LRP1B: variants seen among roughly 807,000 people sequenced by gnomAD.
LRP1B encodes the protein low-density lipoprotein receptor-related protein 1B.
LRP1B carries 217 observed loss-of-function variants against 556.6 expected under a neutral mutation model. The ratio of observed to expected loss-of-function variants is 0.39; its 90% CI spans 0.35 to 0.44. The LOEUF (loss-of-function observed/expected upper bound fraction) is 0.44, where lower values mean the gene tolerates loss of function less well. LRP1B is among the 20% of genes least tolerant of loss of function. The probability of loss-of-function intolerance (pLI) is 1.00; values close to 1 mark genes in which losing one functional copy is unlikely to be tolerated. For synonymous variants in LRP1B, 2,047 were observed against 1,865.8 expected, an observed-to-expected ratio of 1.10 and a Z score of -2.50; for missense variants, 5,053 against 5,620.8, an observed-to-expected ratio of 0.90 and a Z score of 3.23.
intron 3 of LRP1B, among the ~76,000 whole-genome samples, chr2:141,413,762 T>C (rs556140725): frequency 6.6e-6 from 1 of 151,930 alleles, no homozygotes; most frequent in Admixed American, 6.6e-5. Context: ...TGCATGCCTG[T>C]TGTCACAGCT....
intron 1 of LRP1B, among the ~76,000 whole-genome samples, chr2:142,103,320 G>A (rs1262454285): frequency 6.6e-6 from 1 of 151,778 alleles, no homozygotes; most frequent in Non-Finnish European, 1.5e-5. Context: ...TTTAGTCCCT[G>A]AGAACCCATA....
intron 35 of LRP1B, among the ~76,000 whole-genome samples, chr2:140,767,957 A>G (rs1048767431): frequency 1.3e-5 from 2 of 151,984 alleles, no homozygotes; most frequent in African/African-American, 4.8e-5. Flanking sequence ...ATGCAGGTAC[A>G]TAAGAGACAA....
At chr2:140,390,793 C>T (rs1292653137) in intron 66 of LRP1B, among the ~76,000 whole-genome samples, 1 of 151,766 alleles carries the variant, frequency 6.6e-6, no homozygotes, top group East Asian at 1.9e-4. Flanking sequence ...CACACACACA[C>T]ACACACACAC....
intron 1 of LRP1B, among the ~76,000 whole-genome samples, chr2:142,033,453 T>C (rs1703772809): frequency 6.6e-6 from 1 of 151,674 alleles, no homozygotes; most frequent in South Asian, 2.1e-4. Flanking sequence ...TTTAGTAAAA[T>C]ACATCGTTTG....
chr2:141,283,618 C>CTTT (rs751136016), intron 3 of LRP1B, among the ~76,000 whole-genome samples: 20 of 123,918 alleles, frequency 1.6e-4, no homozygotes, highest in East Asian at 4.8e-4. Flanking sequence ...AAGAGACCCA[C>CTTT]TTTTTTTTTT....
intron 16 of LRP1B, among the ~76,000 whole-genome samples, chr2:140,991,704 T>C (rs1697097460): frequency 6.6e-6 from 1 of 152,180 alleles, no homozygotes; most frequent in Non-Finnish European, 1.5e-5. Context: ...AGATGAATGT[T>C]TAACTCCAAA....
intron 7 of LRP1B, among the ~76,000 whole-genome samples, chr2:141,078,797 T>C (rs1301179801): frequency 6.6e-6 from 1 of 152,116 alleles, no homozygotes; most frequent in African/African-American, 2.4e-5. Flanking sequence ...CTGCAAACAA[T>C]GCTGTCAATT....
intron 18 of LRP1B, among the ~76,000 whole-genome samples, chr2:140,953,310 C>T (rs1465300437): frequency 6.6e-6 from 1 of 152,092 alleles, no homozygotes. Flanking sequence ...AGGATGGTCT[C>T]GATCTCCTGA....
intron 41 of LRP1B, among the ~76,000 whole-genome samples, chr2:140,645,071 G>A (rs562348668): frequency 6.6e-6 from 1 of 151,868 alleles, no homozygotes; most frequent in Non-Finnish European, 1.5e-5. Context: ...TTCTACCCAG[G>A]TCAGTTTTCA....
At chr2:141,826,117 T>C (rs1010812448) in intron 1 of LRP1B, among the ~76,000 whole-genome samples, 6 of 151,968 alleles carry the variant, frequency 3.9e-5, no homozygotes, top group African/African-American at 1.4e-4. Context: ...TCTTCTGAAA[T>C]TGACCACTTC....
chr2:141,066,661 G>A (rs1451826810), intron 7 of LRP1B, among the ~76,000 whole-genome samples: 1 of 151,820 alleles, frequency 6.6e-6, no homozygotes, highest in Non-Finnish European at 1.5e-5. Flanking sequence ...TTAACTGCAT[G>A]GTCAGTCCCC....
At chr2:141,246,650 C>A (rs1219310410) in intron 5 of LRP1B, among the ~76,000 whole-genome samples, 2 of 152,158 alleles carry the variant, frequency 1.3e-5, no homozygotes, top group Admixed American at 6.6e-5. Flanking sequence ...ATCTTTTGAA[C>A]AGATTTTTGC....
intron 89 of LRP1B, 84 bp downstream of exon 89, chr2:140,238,068 A>T: frequency 1.6e-6 from 2 of 1,240,052 alleles, no homozygotes; most frequent in Non-Finnish European, 2.2e-6. Context: ...ATAACAGAAA[A>T]ACTTGGTGAA....
intron 60 of LRP1B, among the ~76,000 whole-genome samples, chr2:140,463,216 G>A (rs1281395032): frequency 1.3e-5 from 2 of 152,136 alleles, no homozygotes; most frequent in African/African-American, 4.8e-5. Context: ...TTGATGAAGA[G>A]TGACAAAGAG....
intron 1 of LRP1B, among the ~76,000 whole-genome samples, chr2:142,061,502 A>G (rs1704911102): frequency 6.6e-6 from 1 of 152,046 alleles, no homozygotes; most frequent in Admixed American, 6.6e-5. Flanking sequence ...TTCACTAAAG[A>G]ATATAACACA....
intron 41 of LRP1B, among the ~76,000 whole-genome samples, chr2:140,664,283 T>A (rs988894820): frequency 6.6e-6 from 1 of 152,154 alleles, no homozygotes; most frequent in South Asian, 2.1e-4. Context: ...CAATGCAAGA[T>A]TGCCATGACC....
chr2:141,732,094 G>A (rs909275822), intron 2 of LRP1B, among the ~76,000 whole-genome samples: 10 of 152,042 alleles, frequency 6.6e-5, no homozygotes, highest in African/African-American at 2.4e-4. Context: ...CTACCTAAAT[G>A]GTAATGACCT....
intron 2 of LRP1B, among the ~76,000 whole-genome samples, chr2:141,572,160 A>G (rs1242258565): frequency 6.6e-6 from 1 of 151,868 alleles, no homozygotes; most frequent in African/African-American, 2.4e-5. Flanking sequence ...TGAAGGAAAA[A>G]CTCTTGAGGG....
At chr2:141,536,224 A>G (rs987239777) in intron 2 of LRP1B, among the ~76,000 whole-genome samples, 1 of 152,114 alleles carries the variant, frequency 6.6e-6, no homozygotes, top group African/African-American at 2.4e-5. Context: ...GCATTTCATC[A>G]TTCATTGTAT....
Sources: gnomAD v4.1 joint callset for allele counts (sites outside exome capture counted in the v4.1 genomes callset) on GRCh38, gnomAD v4.1.1 for gene constraint, MANE v1.5 for transcripts, NCBI Gene and HGNC (gene_info 2026-07-23, HGNC 2026-07-21) for gene names.